Variants in LRP12 observed in about 807,000 individuals in gnomAD.
LRP12 encodes the protein low-density lipoprotein receptor-related protein 12.
A neutral mutation model predicts 66.0 loss-of-function variants in LRP12; 14 were observed. The ratio of observed to expected loss-of-function variants is 0.21; its 90% CI spans 0.14 to 0.33. The LOEUF (loss-of-function observed/expected upper bound fraction) is 0.33, where lower values mean the gene tolerates loss of function less well. Among genes scored for constraint, LRP12 ranks in the 10% least tolerant of loss-of-function variants. The pLI is 1.00. For synonymous variants in LRP12, 357 were observed against 359.1 expected (o/e 0.99, Z 0.07); for missense variants, 889 against 1,053.4 (o/e 0.84, Z 2.16).
intron 1 of LRP12, among the ~76,000 whole-genome samples, chr8:104,548,194 A>T (rs550347236): frequency 0.04 from 3,218 of 79,588 alleles, 307 homozygotes; most frequent in African/African-American, 0.18. Context: ...ATATATATAT[A>T]AATATATGAT....
intron 1 of LRP12, among the ~76,000 whole-genome samples, chr8:104,582,990 T>G (rs1812277164): frequency 6.6e-6 from 1 of 152,128 alleles, no homozygotes; most frequent in Non-Finnish European, 1.5e-5. Flanking sequence ...TCTTTACCTC[T>G]TACGGCAAGA....
At chr8:104,556,017 C>A (rs994332336) in intron 1 of LRP12, among the ~76,000 whole-genome samples, 1 of 152,066 alleles carries the variant, frequency 6.6e-6, no homozygotes, top group Non-Finnish European at 1.5e-5. Flanking sequence ...ATCCTCAAAC[C>A]CATGCAAATG....
intron 1 of LRP12, among the ~76,000 whole-genome samples, chr8:104,534,555 T>C (rs1811369077): frequency 6.6e-6 from 1 of 152,082 alleles, no homozygotes; most frequent in Non-Finnish European, 1.5e-5. Context: ...AATTATAACA[T>C]ATTAAAATTT....
intron 1 of LRP12, among the ~76,000 whole-genome samples, chr8:104,576,113 G>A (rs962235547): frequency 1.3e-5 from 2 of 152,036 alleles, no homozygotes. Flanking sequence ...GAGAAATAAG[G>A]GATTATGTAA....
At chr8:104,505,547 C>T (rs572331585) in intron 3 of LRP12, 28 of 150,218 alleles carry the variant, frequency 1.9e-4, no homozygotes, top group Admixed American at 1.7e-3. Flanking sequence ...GGATTATAGG[C>T]GCGTGCCACC....
rs563569564 is a variant in LRP12 at position 104,535,028 on chromosome 8, A to T, written c.80-3065T>A. 1.3e-4 allele frequency among the ~76,000 whole-genome samples: 20 copies of T among 151,432 alleles called. No individual in the cohort carries two copies. In the South Asian group the frequency reaches 1.7e-3, roughly 13 times the overall value. On this transcript the variant is annotated intron_variant, in intron 1 of 6. Coordinates refer to ENST00000276654, the MANE Select transcript of LRP12 (RefSeq NM_013437.5). ...ACCCTTTAGAGGTAGCAAATACTAA[A>T]AAAAAAAAAAAGTCTGATAAAACAT...
At chr8:104,504,720 A>G (rs905608598) in intron 3 of LRP12, 1 of 152,302 alleles carries the variant, frequency 6.6e-6, no homozygotes, top group Middle Eastern at 3.4e-3. Flanking sequence ...AATGTTCCAC[A>G]TGTCTTTGAA....
intron 4 of LRP12, among the ~76,000 whole-genome samples, 199 bp from the exon 5 acceptor site, chr8:104,498,275 A>C (rs1286425414): frequency 6.6e-6 from 1 of 152,182 alleles, no homozygotes; most frequent in Non-Finnish European, 1.5e-5. Context: ...GGTTTGTTAC[A>C]TGAGTAAACA....
At chr8:104,564,438 C>T (rs974585440) in intron 1 of LRP12, among the ~76,000 whole-genome samples, 3 of 151,962 alleles carry the variant, frequency 2.0e-5, no homozygotes, top group East Asian at 1.9e-4. Context: ...ATTCTAGAAT[C>T]GCGCATTATG....
chr8:104,534,549 A>G (rs1811368886), intron 1 of LRP12, among the ~76,000 whole-genome samples: 1 of 152,066 alleles, frequency 6.6e-6, no homozygotes, highest in South Asian at 2.1e-4. Flanking sequence ...CATGCTAATT[A>G]TAACATATTA....
chr8:104,529,217 G>A (rs1811290705), intron 2 of LRP12, among the ~76,000 whole-genome samples: 1 of 152,118 alleles, frequency 6.6e-6, no homozygotes. Flanking sequence ...CACACACAGA[G>A]GGGAGACTAT....
chr8:104,490,608 A>C lies in LRP12; in HGVS notation c.*65T>G, dbSNP rs762939894. On this transcript the variant is annotated 3_prime_UTR_variant, in exon 7 of 7. Coordinates refer to ENST00000276654, the MANE Select transcript of LRP12 (RefSeq NM_013437.5). ...TTAAACTAAAACTAGTTTAACTGTA[A>C]AGTTACAAAATAATAAATGGATATT... 2.9e-5 allele frequency: 44 copies of C among 1,503,902 alleles called. No individual in the cohort carries two copies. Among genetic ancestry groups the C allele is most frequent in the Non-Finnish European group, 3.9e-5 (44 of 1,125,014 alleles). The allele number at this position is 1,503,902 out of a possible 1,614,324, so 93.2% of individuals were successfully genotyped here. A position where few individuals can be genotyped will look rare whatever the true frequency, so the allele number is the denominator to read the frequency against.
At chr8:104,538,676 GA>G (rs1364289663) in intron 1 of LRP12, among the ~76,000 whole-genome samples, 1 of 152,088 alleles carries the variant, frequency 6.6e-6, no homozygotes, top group African/African-American at 2.4e-5. Context: ...CAAAGAAAGA[GA>G]AACCTGAATT....
intron 1 of LRP12, among the ~76,000 whole-genome samples, chr8:104,547,281 TTC>T (rs1292077221): frequency 1.1e-4 from 16 of 139,940 alleles, no homozygotes; most frequent in East Asian, 2.1e-4. Context: ...TAATATACAA[TTC>T]TGTTATATCA....
chr8:104,501,799 G>A lies in LRP12; in HGVS notation c.273-2280C>T, dbSNP rs776531076. Among the ~76,000 whole-genome samples the A allele has an allele frequency of 1.4e-3, 216 of 151,472 alleles. 1 individual carries two copies. The highest frequency in any genetic ancestry group is 2.6e-3 in the Non-Finnish European group (175 of 67,912). On this transcript the variant is annotated intron_variant, in intron 3 of 6. Transcript: ENST00000276654. ...TGGTTTGTCTTTTCATTTTCTTAAT[G>A]GAACCTTTTAATAAGCAGAAGTTTT... is the stretch of plus-strand genomic sequence containing the variant.
chr8:104,538,756 G>T (rs540430847), intron 1 of LRP12, among the ~76,000 whole-genome samples: 64 of 152,240 alleles, frequency 4.2e-4, no homozygotes, highest in African/African-American at 1.5e-3. Flanking sequence ...GTTCTATCAA[G>T]GCACTGCCCA....
At chr8:104,508,173 T>C (rs1426388124) in intron 3 of LRP12, 1 of 152,180 alleles carries the variant, frequency 6.6e-6, no homozygotes, top group African/African-American at 2.4e-5. Flanking sequence ...TATTTTTTTT[T>C]CCCCTGTAGG....
At chr8:104,549,884 A>G (rs1811701290) in intron 1 of LRP12, among the ~76,000 whole-genome samples, 1 of 152,160 alleles carries the variant, frequency 6.6e-6, no homozygotes, top group African/African-American at 2.4e-5. Flanking sequence ...CAAGTTTCCA[A>G]CAAACTTCCT....
At chr8:104,543,601 A>T (rs983263002) in intron 1 of LRP12, among the ~76,000 whole-genome samples, 1 of 152,146 alleles carries the variant, frequency 6.6e-6, no homozygotes, top group African/African-American at 2.4e-5. Flanking sequence ...TAAAAGGAAC[A>T]CTCACACATT....
Sources: gnomAD v4.1 joint callset for allele counts (sites outside exome capture counted in the v4.1 genomes callset) on GRCh38, gnomAD v4.1.1 for gene constraint, MANE v1.5 for transcripts, NCBI Gene and HGNC (gene_info 2026-07-23, HGNC 2026-07-21) for gene names.